UNC13C: variants seen among roughly 807,000 people sequenced by gnomAD.
The protein encoded by UNC13C is protein unc-13 homolog C.
A neutral mutation model predicts 245.4 loss-of-function variants in UNC13C; 174 were observed. That is an observed-to-expected ratio of 0.71 (90% CI 0.63 to 0.80). The LOEUF is 0.80. Ranked by LOEUF, UNC13C falls within the 30% of genes least tolerant of loss-of-function variation. The pLI is 0.00. For missense variants in UNC13C, 2,829 were observed against 2,602.9 expected, an observed-to-expected ratio of 1.09 and a Z score of -1.89; for synonymous variants, 992 against 895.1, an observed-to-expected ratio of 1.11 and a Z score of -1.93.
the UNC13C span, among the ~76,000 whole-genome samples, chr15:53,873,937 T>C: frequency 7.0e-6 from 1 of 142,892 alleles, no homozygotes; most frequent in South Asian, 2.4e-4. Flanking sequence ...CCTTCCTTCC[T>C]TCCTTCCTTC....
chr15:53,843,203 C>T, the UNC13C span, among the ~76,000 whole-genome samples: 1 of 152,086 alleles, frequency 6.6e-6, no homozygotes, highest in South Asian at 2.1e-4. Context: ...TTTTGGGAGG[C>T]CGAGACAGGC....
intron 19 of UNC13C, among the ~76,000 whole-genome samples, chr15:54,485,857 T>G (rs1893377882): frequency 6.6e-6 from 1 of 152,214 alleles, no homozygotes; most frequent in South Asian, 2.1e-4. Context: ...CTCTGTGGTT[T>G]GCTTTTTGAC....
At chr15:54,164,634 G>T (rs560187389) in intron 4 of UNC13C, among the ~76,000 whole-genome samples, 1 of 152,332 alleles carries the variant, frequency 6.6e-6, no homozygotes, top group South Asian at 2.1e-4. Context: ...GGTTTCTAGA[G>T]CCATCAGCCT....
At chr15:54,596,480 T>A (rs1461878936) in intron 30 of UNC13C, among the ~76,000 whole-genome samples, 1 of 152,184 alleles carries the variant, frequency 6.6e-6, no homozygotes, top group South Asian at 2.1e-4. Flanking sequence ...GGAGTTACCC[T>A]CTGATAAGCA....
the UNC13C span, among the ~76,000 whole-genome samples, chr15:53,870,148 T>C: frequency 6.6e-6 from 1 of 152,242 alleles, no homozygotes; most frequent in Non-Finnish European, 1.5e-5. Context: ...ATTGTCCTTA[T>C]ATAATATAGT....
chr15:54,426,739 G>A (rs1400669224), intron 19 of UNC13C, among the ~76,000 whole-genome samples: 1 of 151,694 alleles, frequency 6.6e-6, no homozygotes, highest in Admixed American at 6.6e-5. Flanking sequence ...GGATGAGTAC[G>A]AAAATCTGTC....
At chr15:54,480,334 T>G (rs1419403255) in intron 19 of UNC13C, among the ~76,000 whole-genome samples, 1 of 151,450 alleles carries the variant, frequency 6.6e-6, no homozygotes, top group African/African-American at 2.4e-5. Context: ...CTTCTCACCC[T>G]CTGGGACACT....
intron 4 of UNC13C, among the ~76,000 whole-genome samples, chr15:54,163,196 G>A (rs1232641229): frequency 6.6e-6 from 1 of 152,180 alleles, no homozygotes; most frequent in African/African-American, 2.4e-5. Context: ...AATGACAGAG[G>A]TGTCAGTTTC....
chr15:53,928,821 A>C, the UNC13C span, among the ~76,000 whole-genome samples: 1 of 152,218 alleles, frequency 6.6e-6, no homozygotes, highest in Non-Finnish European at 1.5e-5. Context: ...CTTAACATAC[A>C]AAAGATTATG....
chr15:53,924,441 A>G, the UNC13C span, among the ~76,000 whole-genome samples: 1 of 152,196 alleles, frequency 6.6e-6, no homozygotes, highest in African/African-American at 2.4e-5. Context: ...ATAAATAGCT[A>G]AATGTTTATA....
intron 19 of UNC13C, among the ~76,000 whole-genome samples, chr15:54,490,684 A>G (rs1288902839): frequency 6.6e-6 from 1 of 151,600 alleles, no homozygotes; most frequent in Non-Finnish European, 1.5e-5. Context: ...ATGGCATGGC[A>G]TAAATTCAAC....
chr15:54,604,387 CAGGA>C (rs1253243458), intron 30 of UNC13C, among the ~76,000 whole-genome samples: 2 of 94,504 alleles, frequency 2.1e-5, no homozygotes, highest in Non-Finnish European at 5.3e-5. Context: ...TTCCTTAAAC[CAGGA>C]AAGAAAGAAA....
At chr15:53,986,699 C>T (rs970357267) in intron 1 of UNC13C, among the ~76,000 whole-genome samples, 25 of 152,050 alleles carry the variant, frequency 1.6e-4, no homozygotes, top group Non-Finnish European at 2.1e-4. Flanking sequence ...AGTTCAGTCA[C>T]ATATTGCCTC....
At chr15:54,367,221 G>T (rs2039385240) in intron 17 of UNC13C, among the ~76,000 whole-genome samples, 1 of 152,144 alleles carries the variant, frequency 6.6e-6, no homozygotes, top group African/African-American at 2.4e-5. Flanking sequence ...CAACCAAATA[G>T]TTCTTCCCAT....
intron 30 of UNC13C, among the ~76,000 whole-genome samples, chr15:54,596,950 C>G (rs556628108): frequency 4.9e-4 from 75 of 152,270 alleles, no homozygotes; most frequent in African/African-American, 1.7e-3. Context: ...ACAAGTTACC[C>G]AGTATCAGGT....
At chr15:54,118,323 T>G (rs894847066) in intron 2 of UNC13C, among the ~76,000 whole-genome samples, 5 of 152,160 alleles carry the variant, frequency 3.3e-5, no homozygotes, top group African/African-American at 1.2e-4. Context: ...CTCTTCAATT[T>G]TTTTTCATCA....
the UNC13C span, among the ~76,000 whole-genome samples, chr15:53,934,398 C>T: frequency 2.4e-3 from 362 of 152,276 alleles, 3 homozygotes; most frequent in East Asian, 0.016. Flanking sequence ...TTCCAACCCC[C>T]GCCTTTTTCT....
At chr15:54,620,773 A>G (rs1227985401) in intron 30 of UNC13C, among the ~76,000 whole-genome samples, 1 of 129,360 alleles carries the variant, frequency 7.7e-6, no homozygotes, top group Non-Finnish European at 1.7e-5. Context: ...GCAACAGAGC[A>G]AGACCCTGTC....
At chr15:54,225,048 A>G (rs1484070646) in intron 4 of UNC13C, among the ~76,000 whole-genome samples, 4 of 134,574 alleles carry the variant, frequency 3.0e-5, no homozygotes, top group Non-Finnish European at 6.5e-5. Flanking sequence ...TTTCTTATTT[A>G]GCTTGGCTAA....
Sources: gnomAD v4.1 joint callset for allele counts (sites outside exome capture counted in the v4.1 genomes callset) on GRCh38, gnomAD v4.1.1 for gene constraint, MANE v1.5 for transcripts, NCBI Gene and HGNC (gene_info 2026-07-23, HGNC 2026-07-21) for gene names.